Variants in IMMP2L observed in about 807,000 individuals in gnomAD.
IMMP2L encodes the protein mitochondrial inner membrane protease subunit 2.
A neutral mutation model predicts 19.3 loss-of-function variants in IMMP2L; 18 were observed. The observed-to-expected ratio is 0.93, with a 90% CI of 0.64 to 1.38. IMMP2L has a LOEUF of 1.38. Ranked by LOEUF, IMMP2L falls within the 40% of genes most tolerant of loss-of-function variation. The pLI is 0.00. For synonymous variants in IMMP2L, 76 were observed against 73.0 expected (o/e 1.04, Z -0.21); for missense variants, 233 against 218.2 (o/e 1.07, Z -0.43).
chr7:111,282,664 G>A (rs1820027750), intron 3 of IMMP2L, among the ~76,000 whole-genome samples: 2 of 151,850 alleles, frequency 1.3e-5, no homozygotes, highest in Non-Finnish European at 2.9e-5. Context: ...GCTCACTGAA[G>A]CCTCAACCTC....
At chr7:111,309,452 C>T (rs192730979) in intron 3 of IMMP2L, among the ~76,000 whole-genome samples, 51 of 152,054 alleles carry the variant, frequency 3.4e-4, no homozygotes, top group African/African-American at 1.1e-3. Flanking sequence ...CCCAAAGGTC[C>T]ATAAGGAACC....
intron 3 of IMMP2L, among the ~76,000 whole-genome samples, chr7:111,112,455 A>T (rs1282107280): frequency 6.6e-6 from 1 of 151,800 alleles, no homozygotes; most frequent in East Asian, 1.9e-4. Context: ...CATGTCCTGT[A>T]CAGTAATGAA....
chr7:111,329,996 A>G (rs115177578), intron 3 of IMMP2L, among the ~76,000 whole-genome samples: 5,085 of 152,000 alleles, frequency 0.033, 275 homozygotes, highest in African/African-American at 0.11. Context: ...ACAGTGGCAA[A>G]ACAGAAGAAA....
At chr7:110,907,205 A>G (rs999777106) in intron 4 of IMMP2L, among the ~76,000 whole-genome samples, 6 of 151,964 alleles carry the variant, frequency 3.9e-5, no homozygotes, top group African/African-American at 1.5e-4. Context: ...GCCCACACTT[A>G]CGGCACCCAA....
intron 3 of IMMP2L, among the ~76,000 whole-genome samples, chr7:111,085,912 C>T (rs978847074): frequency 6.6e-6 from 1 of 152,080 alleles, no homozygotes; most frequent in Non-Finnish European, 1.5e-5. Context: ...CACATGTTCT[C>T]ACTTATAAGT....
At position 110,950,858 on chromosome 7, in the gene IMMP2L, A is replaced by ATATATATATATG. The variant is rs1554470743; in HGVS notation, c.305+12641_305+12642insCATATATATATA. On this transcript the variant is annotated intron_variant, in intron 4 of 5. Transcript: ENST00000405709. ...AAATGTGGCATATATATATATATATATATATATATATATGTATATATATGC... is the reference window on the plus strand; with the variant it reads ...AAATGTGGCATATATATATATATATATATATATATATGTATATATATATATGTATATATATGC... Among the ~76,000 whole-genome samples, 311 of 136,270 alleles carry ATATATATATATG rather than the reference A, an allele frequency of 2.3e-3. 4 individuals carry two copies. Among genetic ancestry groups the ATATATATATATG allele is most frequent in the African/African-American group, 6.7e-3 (233 of 34,710 alleles). 89.4% of individuals were successfully genotyped at this position (136,270 alleles called of 152,430 possible).
At chr7:111,365,346 C>T (rs1218956507) in intron 3 of IMMP2L, among the ~76,000 whole-genome samples, 2 of 152,146 alleles carry the variant, frequency 1.3e-5, no homozygotes, top group Non-Finnish European at 2.9e-5. Context: ...AATAATGCCA[C>T]ATCATAATGC....
intron 3 of IMMP2L, among the ~76,000 whole-genome samples, chr7:111,090,318 T>C (rs1356675986): frequency 1.3e-5 from 2 of 152,110 alleles, no homozygotes; most frequent in Admixed American, 6.6e-5. Flanking sequence ...AGAATAAAGA[T>C]AGTCTTTTAA....
At chr7:110,942,964 G>A (rs1816876839) in intron 4 of IMMP2L, among the ~76,000 whole-genome samples, 1 of 151,954 alleles carries the variant, frequency 6.6e-6, no homozygotes, top group East Asian at 1.9e-4. Context: ...TAAAAATAAT[G>A]ACATATATTG....
At chr7:110,722,749 CCTT>C (rs1350034283) in intron 5 of IMMP2L, among the ~76,000 whole-genome samples, 1 of 151,942 alleles carries the variant, frequency 6.6e-6, no homozygotes, top group Admixed American at 6.6e-5. Context: ...GTTTAGAGGC[CCTT>C]CTTGTAATAA....
intron 3 of IMMP2L, among the ~76,000 whole-genome samples, chr7:110,977,388 A>C (rs1034046590): frequency 6.6e-6 from 1 of 152,006 alleles, no homozygotes; most frequent in Non-Finnish European, 1.5e-5. Context: ...GGCCCCATGA[A>C]CTACTAAACA....
chr7:110,823,772 T>G (rs1803232117), intron 5 of IMMP2L, among the ~76,000 whole-genome samples: 1 of 152,032 alleles, frequency 6.6e-6, no homozygotes, highest in Admixed American at 6.6e-5. Context: ...ATGAAAAAAA[T>G]TCTGAAGATT....
intron 3 of IMMP2L, among the ~76,000 whole-genome samples, chr7:111,229,409 T>C (rs1813479078): frequency 6.6e-6 from 1 of 151,990 alleles, no homozygotes; most frequent in East Asian, 1.9e-4. Flanking sequence ...CAGTTTCAGG[T>C]ATGCAAATCA....
In IMMP2L at chr7:110,757,995, T is replaced by C; in HGVS notation, c.409-94274A>G. ...TAGTAAATGAGTTCAGTTTCATTCA[T>C]TTAAAGCTTGAAATTTCTACTAACC... On this transcript the variant is annotated intron_variant, in intron 5 of 5. Transcript: ENST00000405709. The surrounding 1 kb of genome is among the most constrained non-coding windows in gnomAD (Gnocchi z 4.2). Among the ~76,000 whole-genome samples, 1 of 152,046 alleles carries C rather than the reference T, an allele frequency of 6.6e-6. No homozygotes were observed. The highest frequency in any genetic ancestry group is 1.9e-4 in the East Asian group (1 of 5,172).
rs571900250 is a variant in IMMP2L, at chr7:111,479,364, T to C, written c.239+7874A>G. 4.6e-5 allele frequency among the ~76,000 whole-genome samples: 7 copies of C among 152,304 alleles called. No individual in the cohort carries two copies. In the East Asian group the frequency reaches 9.6e-4, roughly 21 times the overall value. On this transcript the variant is annotated intron_variant, in intron 3 of 5. Transcript: ENST00000405709. ...CCAGTTTTTTTCATTATTCACAGTG[T>C]AGGCCTTAGTTTGAAATAAACTAGT...
intron 3 of IMMP2L, among the ~76,000 whole-genome samples, chr7:111,382,002 T>A (rs887189905): frequency 3.3e-5 from 5 of 151,888 alleles, no homozygotes; most frequent in Admixed American, 6.6e-5. Context: ...TGGAAATGTC[T>A]GGGAAGCAAT....
chr7:110,837,253 G>C (rs527524667), intron 5 of IMMP2L, among the ~76,000 whole-genome samples: 68 of 152,086 alleles, frequency 4.5e-4, no homozygotes, highest in Middle Eastern at 3.4e-3. Flanking sequence ...GCAAGTTACA[G>C]AATATGTGTA....
intron 3 of IMMP2L, among the ~76,000 whole-genome samples, chr7:111,039,763 T>C (rs1017718044): frequency 6.6e-6 from 1 of 152,154 alleles, no homozygotes; most frequent in East Asian, 1.9e-4. Context: ...CCCTTAATCG[T>C]GTGCAAATTT....
intron 3 of IMMP2L, among the ~76,000 whole-genome samples, chr7:111,423,076 T>C (rs1835737000): frequency 6.6e-6 from 1 of 151,870 alleles, no homozygotes; most frequent in Non-Finnish European, 1.5e-5. Context: ...GCCCACTTGA[T>C]CATGGTGGAT....
Sources: gnomAD v4.1 joint callset for allele counts (sites outside exome capture counted in the v4.1 genomes callset) on GRCh38, gnomAD v4.1.1 for gene constraint, Gnocchi (gnomAD v3.1) non-coding constraint, MANE v1.5 for transcripts, NCBI Gene and HGNC (gene_info 2026-07-23, HGNC 2026-07-21) for gene names.